The following CCDC167 variants were observed in gnomAD, a reference collection of about 807,000 sequenced individuals.
The protein encoded by CCDC167 is coiled-coil domain containing 167.
CCDC167 carries 15 observed loss-of-function variants against 12.7 expected under a neutral mutation model. The ratio of observed to expected loss-of-function variants is 1.18; its 90% confidence interval spans 0.79 to 1.81. The LOEUF is 1.81. CCDC167 is among the 40% of genes most tolerant of loss of function. The probability of loss-of-function intolerance (pLI) is 0.00; values close to 1 mark genes in which losing one functional copy is unlikely to be tolerated. For synonymous variants in CCDC167, 52 were observed against 49.0 expected, an observed-to-expected ratio of 1.06 and a Z score of -0.26; for missense variants, 121 against 120.1, an observed-to-expected ratio of 1.01 and a Z score of -0.03.
At chr6:37,488,038 A>C (rs1473319547) in intron 1 of CCDC167, among the ~76,000 whole-genome samples, 2 of 152,224 alleles carry the variant, frequency 1.3e-5, no homozygotes, top group African/African-American at 4.8e-5. Flanking sequence ...GGGGAGGCTA[A>C]GACTGTCAAG....
intron 1 of CCDC167, among the ~76,000 whole-genome samples, chr6:37,495,037 T>A (rs1013251355): frequency 6.6e-6 from 1 of 152,042 alleles, no homozygotes. Flanking sequence ...TGACCTCAAA[T>A]GATGCACCTG....
chr6:37,485,573 T>C (rs1379198780), intron 1 of CCDC167, among the ~76,000 whole-genome samples: 6 of 152,352 alleles, frequency 3.9e-5, no homozygotes, highest in African/African-American at 9.6e-5. Context: ...ACCAGAACCC[T>C]GAACACGGCA....
intron 1 of CCDC167, among the ~76,000 whole-genome samples, chr6:37,493,776 A>G (rs1006231747): frequency 6.6e-6 from 1 of 152,178 alleles, no homozygotes; most frequent in South Asian, 2.1e-4. Flanking sequence ...CCTCCTGCCA[A>G]TCGAGCCAGT....
chr6:37,499,048 A>G (rs1026146643), intron 1 of CCDC167, among the ~76,000 whole-genome samples: 1 of 152,132 alleles, frequency 6.6e-6, no homozygotes, highest in Non-Finnish European at 1.5e-5. Flanking sequence ...AAAACAGGGG[A>G]AGCAAGATGA....
intron 1 of CCDC167, among the ~76,000 whole-genome samples, chr6:37,487,101 T>C (rs1235672215): frequency 6.6e-6 from 1 of 152,198 alleles, no homozygotes; most frequent in Non-Finnish European, 1.5e-5. Flanking sequence ...GTATATTCTT[T>C]GTTGCCCTTC....
chr6:37,483,133 C>G lies in CCDC167; in HGVS notation c.*53G>C, dbSNP rs184295314. The stretch of plus-strand genomic sequence containing the variant: ...TTGAGGCTTGAAGTGCCTGCTTGAT[C>G]CTGATCAAGGGGCCAAGTGGAAGCC... On this transcript the variant is annotated 3_prime_UTR_variant, in exon 4 of 4. Transcript: ENST00000373408. 943 of 1,406,726 alleles carry G rather than the reference C, an allele frequency of 6.7e-4. 7 individuals are homozygous for G. The African/African-American group carries it at 0.011, about 17-fold the overall frequency. 87.1% of individuals were successfully genotyped at this position (1,406,726 alleles called of 1,614,324 possible).
intron 1 of CCDC167, among the ~76,000 whole-genome samples, chr6:37,486,683 A>G (rs189595691): frequency 0.014 from 2,130 of 152,254 alleles, 50 homozygotes; most frequent in African/African-American, 0.047. Flanking sequence ...TTTCTCTGCT[A>G]CTGGGCACCC....
At chr6:37,485,420 C>T (rs186742835) in intron 1 of CCDC167, among the ~76,000 whole-genome samples, 2 of 152,370 alleles carry the variant, frequency 1.3e-5, no homozygotes, top group African/African-American at 2.4e-5. Context: ...CTGAGCCACA[C>T]TGTAAACAGT....
chr6:37,485,174 C>G lies in CCDC167; in HGVS notation c.63G>C (p.Lys21Asn). The change falls in exon 2 of 4, where the codon AAG becomes AAC. Residue 21 changes from lysine to asparagine, a missense_variant. Coordinates refer to ENST00000373408, the MANE Select transcript of CCDC167 (RefSeq NM_138493.3). ...VALEIDGLEE[K>N]LSQCRRDLEA... ...CCAGGTCTCTCCGACACTGGGACAG[C>G]TTCTCCTCTAGCCCATCGATCTGAA... is the stretch of plus-strand genomic sequence containing the variant. The G allele has an allele frequency of 6.2e-7, 1 of 1,613,480 alleles. No individual in the cohort carries two copies. The highest frequency in any genetic ancestry group is 1.1e-5 in the South Asian group (1 of 91,080).
chr6:37,483,925 A>G (rs1761904823), intron 3 of CCDC167, among the ~76,000 whole-genome samples: 1 of 152,118 alleles, frequency 6.6e-6, no homozygotes, highest in Non-Finnish European at 1.5e-5. Context: ...GGTAGGGGGT[A>G]CTCTGTGAGG....
At chr6:37,491,215 T>C (rs148378433) in intron 1 of CCDC167, among the ~76,000 whole-genome samples, 1,633 of 152,270 alleles carry the variant, frequency 0.011, 15 homozygotes, top group African/African-American at 0.013. Context: ...GGGGGCCTCA[T>C]ATGCAGCTTT....
Position 37,484,822 on chromosome 6 carries a change from C to A in CCDC167, c.178G>T (p.Ala60Ser). Residue 60 changes from alanine to serine, a missense_variant, in exon 3 of 4, where the codon GCC (alanine) becomes TCC (serine). Transcript: ENST00000373408. ...GGAACTTTCTTACCGTAGTTGGAGG[C>A]TTTGTTCATTAGGCTGTTTTTCTCC... ...EKEKNSLMNK[A>S]SNYEKELKFL... 1 of 1,614,254 alleles carries A rather than the reference C, an allele frequency of 6.2e-7. No individual in the cohort carries two copies. Among genetic ancestry groups the A allele is most frequent in the Non-Finnish European group, 8.5e-7 (1 of 1,180,044 alleles).
intron 1 of CCDC167, among the ~76,000 whole-genome samples, chr6:37,496,407 C>T (rs1282858464): frequency 2.6e-5 from 4 of 151,956 alleles, no homozygotes; most frequent in Non-Finnish European, 5.9e-5. Context: ...GCACTACAGC[C>T]TGGGCAACAG....
At chr6:37,495,506 T>A (rs1762087143) in intron 1 of CCDC167, among the ~76,000 whole-genome samples, 1 of 152,240 alleles carries the variant, frequency 6.6e-6, no homozygotes, top group South Asian at 2.1e-4. Flanking sequence ...ATTTGAACTA[T>A]AATTTTCTTT....
intron 1 of CCDC167, among the ~76,000 whole-genome samples, chr6:37,490,197 C>T (rs953205200): frequency 6.6e-5 from 10 of 152,286 alleles, no homozygotes; most frequent in South Asian, 2.1e-4. Flanking sequence ...CCTGGGGAGG[C>T]GCTGTGTGAA....
At chr6:37,496,280 AAACTT>A (rs929239258) in intron 1 of CCDC167, among the ~76,000 whole-genome samples, 6 of 151,964 alleles carry the variant, frequency 3.9e-5, no homozygotes, top group African/African-American at 1.2e-4. Context: ...TAAAAATACA[AAACTT>A]AGCTGGGCAT....
chr6:37,492,255 C>T (rs1212714355), intron 1 of CCDC167, among the ~76,000 whole-genome samples: 1 of 152,256 alleles, frequency 6.6e-6, no homozygotes, highest in African/African-American at 2.4e-5. Flanking sequence ...ACATTCATGA[C>T]AAGAGTTCTG....
At chr6:37,495,951 C>A (rs1762092164) in intron 1 of CCDC167, among the ~76,000 whole-genome samples, 1 of 152,182 alleles carries the variant, frequency 6.6e-6, no homozygotes, top group African/African-American at 2.4e-5. Context: ...GGGAGACAGC[C>A]AGCCAGATGT....
At chr6:37,497,863 A>C (rs9470601) in intron 1 of CCDC167, among the ~76,000 whole-genome samples, 10,651 of 152,098 alleles carry the variant, frequency 0.07, 583 homozygotes, top group African/African-American at 0.15. Flanking sequence ...TCAAAAGCAA[A>C]ACACAGCGAA....
Sources: allele counts gnomAD v4.1 joint callset (sites outside exome capture counted in the v4.1 genomes callset), GRCh38; gene constraint gnomAD v4.1.1; transcripts MANE v1.5; gene names NCBI Gene and HGNC (gene_info 2026-07-23, HGNC 2026-07-21).